The following PROS1 variants were observed in gnomAD, a reference collection of about 807,000 sequenced individuals.
PROS1 encodes vitamin K-dependent protein S.
A neutral mutation model predicts 75.9 loss-of-function variants in PROS1; 29 were observed. The observed-to-expected ratio is 0.38, with a 90% CI of 0.28 to 0.52. PROS1 has a LOEUF of 0.52. Among genes scored for constraint, PROS1 ranks in the 20% least tolerant of loss-of-function variants. PROS1 has a pLI of 0.83. For missense variants in PROS1, 680 were observed against 810.3 expected, an observed-to-expected ratio of 0.84 and a Z score of 1.95; for synonymous variants, 245 against 280.6, an observed-to-expected ratio of 0.87 and a Z score of 1.27.
At chr3:93,927,830 C>T (rs1709042490) in intron 1 of PROS1, among the ~76,000 whole-genome samples, 1 of 136,002 alleles carries the variant, frequency 7.4e-6, no homozygotes, top group South Asian at 2.4e-4. Flanking sequence ...TAGTGAGACC[C>T]CATTTCTACA....
chr3:93,944,362 A>G (rs1192377844), intron 1 of PROS1, among the ~76,000 whole-genome samples: 1 of 152,194 alleles, frequency 6.6e-6, no homozygotes, highest in Non-Finnish European at 1.5e-5. Context: ...TCAACAAAAT[A>G]TACATTCTTC....
At chr3:93,893,217 G>C (rs1708458214) in intron 9 of PROS1, 95 bp from the exon 10 acceptor site, 1 of 1,088,854 alleles carries the variant, frequency 9.2e-7, no homozygotes. Context: ...CAGTAACACA[G>C]ACAAAGAGTC....
intron 9 of PROS1, among the ~76,000 whole-genome samples, chr3:93,893,987 G>C (rs1296129864): frequency 6.6e-6 from 1 of 152,080 alleles, no homozygotes; most frequent in African/African-American, 2.4e-5. Flanking sequence ...ACTTCAATGA[G>C]AATCAGCATT....
chr3:93,973,583 G>T, intron 1 of PROS1, 91 bp downstream of exon 1: 1 of 1,365,128 alleles, frequency 7.3e-7, no homozygotes, highest in South Asian at 1.2e-5. Context: ...CTAGGAGGCT[G>T]CAGCTCTAGA....
At position 93,893,080 on chromosome 3, in the gene PROS1, G is replaced by A. The variant is rs141208672; in HGVS notation, c.1008C>T (p.Gly336=). The part of the protein sequence containing the change: ...EFDFRTYDSE[G]VILYAESIDH... Reference sequence around the variant, plus strand: ...CGATAGATTCTGCGTACAGTATCACGCCTTCTGAATCATATGTCCGGAAAT... The same window carrying A: ...CGATAGATTCTGCGTACAGTATCACACCTTCTGAATCATATGTCCGGAAAT... The change falls in exon 10 of 15, where the codon GGC becomes GGT. Residue 336 remains glycine (G), a synonymous_variant. Coordinates refer to ENST00000394236, the MANE Select transcript of PROS1 (RefSeq NM_000313.4). The A allele has an allele frequency of 1.2e-5, 20 of 1,613,962 alleles. No individual in the cohort carries two copies. Among genetic ancestry groups the A allele is most frequent in the African/African-American group, 8.0e-5 (6 of 75,000 alleles).
intron 1 of PROS1, among the ~76,000 whole-genome samples, chr3:93,947,905 C>A (rs930385866): frequency 6.6e-6 from 1 of 152,128 alleles, no homozygotes; most frequent in Non-Finnish European, 1.5e-5. Flanking sequence ...ACTCTCCCCC[C>A]TTACCTTGGC....
intron 10 of PROS1, among the ~76,000 whole-genome samples, chr3:93,888,995 A>T (rs890486303): frequency 6.6e-6 from 1 of 152,194 alleles, no homozygotes; most frequent in Non-Finnish European, 1.5e-5. Flanking sequence ...CTGCTGCTAC[A>T]CTACTCTGTG....
intron 1 of PROS1, chr3:93,958,547 T>C (rs138071106): frequency 6.6e-6 from 1 of 152,326 alleles, no homozygotes; most frequent in East Asian, 1.9e-4. Flanking sequence ...CTCTTTTCTT[T>C]GTACTTGATA....
In PROS1 at chr3:93,973,797, G is replaced by T. The variant is rs775507528; in HGVS notation, c.-48C>A. 573 of 1,538,910 alleles carry T rather than the reference G, an allele frequency of 3.7e-4. 1 individual carries two copies. Among genetic ancestry groups the T allele is most frequent in the Non-Finnish European group, 4.7e-4 (530 of 1,127,976 alleles). On this transcript the variant is annotated 5_prime_UTR_variant, in exon 1 of 15. Coordinates refer to ENST00000394236, the MANE Select transcript of PROS1 (RefSeq NM_000313.4). Reference sequence around the variant, plus strand: ...GCAGGGACGGTGGCGCGTCGCGGCGGGGACCGGAGCGCTAGGCGCCGCGGA... The same window carrying T: ...GCAGGGACGGTGGCGCGTCGCGGCGTGGACCGGAGCGCTAGGCGCCGCGGA...
chr3:93,910,346 T>C (rs1215076895), intron 4 of PROS1, among the ~76,000 whole-genome samples: 1 of 152,174 alleles, frequency 6.6e-6, no homozygotes, highest in Non-Finnish European at 1.5e-5. Flanking sequence ...AATAAAGCTG[T>C]TGGGAATAAA....
intron 1 of PROS1, among the ~76,000 whole-genome samples, chr3:93,955,281 G>A (rs143591574): frequency 3.9e-5 from 6 of 152,262 alleles, no homozygotes; most frequent in Non-Finnish European, 7.4e-5. Context: ...GCCTACAGAT[G>A]TTTATTGCGG....
At chr3:93,888,852 A>T (rs1475759170) in intron 10 of PROS1, among the ~76,000 whole-genome samples, 1 of 152,066 alleles carries the variant, frequency 6.6e-6, no homozygotes, top group East Asian at 1.9e-4. Flanking sequence ...TGCAAACTAG[A>T]TCATGTCCCT....
At chr3:93,913,776 C>T (rs1559937410) in intron 3 of PROS1, among the ~76,000 whole-genome samples, 1 of 152,084 alleles carries the variant, frequency 6.6e-6, no homozygotes, top group South Asian at 2.1e-4. Context: ...CTCAAAAGTC[C>T]AAAGTCCAAA....
chr3:93,916,325 C>T (rs80040518), intron 3 of PROS1, among the ~76,000 whole-genome samples: 5 of 152,124 alleles, frequency 3.3e-5, no homozygotes, highest in Non-Finnish European at 7.3e-5. Context: ...GCATCTCTGG[C>T]AAATTTTACA....
At position 93,892,964 on chromosome 3, in the gene PROS1, C is replaced by T; in HGVS notation, c.1124G>A (p.Gly375Asp). 13 of 1,612,454 alleles carry T rather than the reference C, an allele frequency of 8.1e-6. No homozygotes were observed. The highest frequency in any genetic ancestry group is 8.5e-6 in the Non-Finnish European group (10 of 1,179,902). Residue 375 changes from glycine (G) to aspartate (D), a missense_variant, in exon 10 of 15, where the codon GGT becomes GAT. Transcript: ENST00000394236. ...NEHTSKITTG[G>D]DVINNGLWNM... Reference sequence around the variant, plus strand: ...CCATAGACCATTATTAATAACATCACCTCCAGTTGTGATTTTGGATGTATG... The same window carrying T: ...CCATAGACCATTATTAATAACATCATCTCCAGTTGTGATTTTGGATGTATG...
chr3:93,942,210 C>T (rs1326631998), intron 1 of PROS1, among the ~76,000 whole-genome samples: 1 of 152,154 alleles, frequency 6.6e-6, no homozygotes, highest in Non-Finnish European at 1.5e-5. Context: ...CTGCCCCCCT[C>T]CACTCCCTCT....
chr3:93,884,129 C>T (rs1708311963), intron 12 of PROS1, among the ~76,000 whole-genome samples: 1 of 152,180 alleles, frequency 6.6e-6, no homozygotes, highest in Admixed American at 6.5e-5. Flanking sequence ...TCAGTCTCTA[C>T]TGTTATACGT....
chr3:93,947,107 A>C lies in PROS1; in HGVS notation c.77-19700T>G, dbSNP rs1323108832. On this transcript the variant is annotated intron_variant, in intron 1 of 14. Coordinates refer to ENST00000394236, the MANE Select transcript of PROS1 (RefSeq NM_000313.4). ...GGCCATCAGCGAAATGCAAATCAAA[A>C]CCACGATGAGATACCATCTCACACC... is the stretch of plus-strand genomic sequence containing the variant. 7.2e-5 allele frequency among the ~76,000 whole-genome samples: 11 copies of C among 152,282 alleles called. No homozygotes were observed. The East Asian group carries it at 1.9e-3, about 27-fold the overall frequency.
At chr3:93,892,773 T>G (rs956783108) in intron 10 of PROS1, among the ~76,000 whole-genome samples, 160 bp downstream of exon 10, 8 of 152,220 alleles carry the variant, frequency 5.3e-5, no homozygotes, top group Non-Finnish European at 1.0e-4. Context: ...AGAATATTAT[T>G]TCTCAGGATG....
Sources: allele counts gnomAD v4.1 joint callset (sites outside exome capture counted in the v4.1 genomes callset), GRCh38; gene constraint gnomAD v4.1.1; transcripts MANE v1.5; gene names NCBI Gene and HGNC (gene_info 2026-07-23, HGNC 2026-07-21).